The following MMP26 variants were observed in gnomAD, a reference collection of about 807,000 sequenced individuals.
The protein encoded by MMP26 is matrix metallopeptidase 26.
MMP26 carries 33 observed loss-of-function variants against 31.0 expected under a neutral mutation model. That is an observed-to-expected ratio of 1.06 (90% CI 0.81 to 1.42). MMP26 has a LOEUF of 1.42. MMP26 is among the 40% of genes most tolerant of loss of function. MMP26 has a pLI of 0.00. For synonymous variants in MMP26, 122 were observed against 114.9 expected, an observed-to-expected ratio of 1.06 and a Z score of -0.40; for missense variants, 347 against 316.1, an observed-to-expected ratio of 1.10 and a Z score of -0.74.
At chr11:4,816,415 T>G (rs976581181) in intron 2 of MMP26, among the ~76,000 whole-genome samples, 2 of 152,274 alleles carry the variant, frequency 1.3e-5, no homozygotes, top group Middle Eastern at 3.4e-3. Context: ...CTTTATTGGT[T>G]TTCTGTCTGG....
At chr11:4,755,046 A>G (rs911749061) in intron 1 of MMP26, among the ~76,000 whole-genome samples, 1 of 151,994 alleles carries the variant, frequency 6.6e-6, no homozygotes, top group Admixed American at 6.6e-5. Flanking sequence ...AGAAATCTGC[A>G]TAGACTTTCA....
At chr11:4,718,877 T>G (rs1847972159) in intron 1 of MMP26, 1 of 172,652 alleles carries the variant, frequency 5.8e-6, no homozygotes. Context: ...ATATTCTGCT[T>G]CAATGTGAGG....
At chr11:4,748,362 C>T (rs1463986633) in intron 1 of MMP26, among the ~76,000 whole-genome samples, 2 of 151,850 alleles carry the variant, frequency 1.3e-5, no homozygotes, top group South Asian at 2.1e-4. Context: ...TTCTACCAGA[C>T]ACAGAAAGAA....
chr11:4,787,508 T>C (rs1208869926), intron 2 of MMP26: 1 of 152,270 alleles, frequency 6.6e-6, no homozygotes, highest in Non-Finnish European at 1.5e-5. Context: ...GCAGTTGCAG[T>C]CTTCTACATT....
chr11:4,904,703 G>T (rs10500632), intron 2 of MMP26, among the ~76,000 whole-genome samples: 2 of 151,884 alleles, frequency 1.3e-5, no homozygotes, highest in Non-Finnish European at 2.9e-5. Flanking sequence ...TGACTTTACC[G>T]CTTAAAATAT....
intron 1 of MMP26, among the ~76,000 whole-genome samples, chr11:4,725,700 T>C (rs981994841): frequency 5.9e-5 from 9 of 152,230 alleles, no homozygotes; most frequent in Non-Finnish European, 7.3e-5. Context: ...AGCAGAGATA[T>C]AATGGCTCCC....
intron 2 of MMP26, chr11:4,946,479 G>T (rs1846307377): frequency 6.2e-7 from 1 of 1,610,310 alleles, no homozygotes; most frequent in South Asian, 1.1e-5. Context: ...TCTACCATAA[G>T]GCAGAGTGCT....
intron 2 of MMP26, chr11:4,849,365 C>T (rs1282000683): frequency 5.7e-6 from 4 of 699,738 alleles, no homozygotes; most frequent in African/African-American, 5.4e-5. Flanking sequence ...CACATTTCCT[C>T]CCTGTGCACG....
At chr11:4,925,598 A>T (rs1376217386) in intron 2 of MMP26, among the ~76,000 whole-genome samples, 2 of 152,124 alleles carry the variant, frequency 1.3e-5, no homozygotes, top group Admixed American at 6.5e-5. Context: ...AGTCCCTAGG[A>T]GATGAATGGT....
At chr11:4,737,417 G>A (rs1415983227) in intron 1 of MMP26, among the ~76,000 whole-genome samples, 1 of 152,140 alleles carries the variant, frequency 6.6e-6, no homozygotes, top group Non-Finnish European at 1.5e-5. Context: ...GCCGAGGTGG[G>A]TGGATCACCT....
chr11:4,734,847 T>TATAAG (rs1283235627), intron 1 of MMP26, among the ~76,000 whole-genome samples: 99 of 59,394 alleles, frequency 1.7e-3, no homozygotes, highest in African/African-American at 2.6e-3. Flanking sequence ...TAGCATATTT[T>TATAAG]CAGCTTGTAT....
At chr11:4,981,998 C>T (rs907150087) in intron 2 of MMP26, among the ~76,000 whole-genome samples, 3 of 151,740 alleles carry the variant, frequency 2.0e-5, no homozygotes, top group African/African-American at 7.3e-5. Flanking sequence ...ATTCCTTCTT[C>T]TGAAATACCT....
At chr11:4,895,807 A>C (rs1850691143) in intron 2 of MMP26, among the ~76,000 whole-genome samples, 1 of 152,174 alleles carries the variant, frequency 6.6e-6, no homozygotes. Context: ...ATGACTGACT[A>C]TAGTCCTAGC....
chr11:4,806,004 C>T (rs1382005211), intron 2 of MMP26, among the ~76,000 whole-genome samples: 2 of 151,976 alleles, frequency 1.3e-5, no homozygotes, highest in Non-Finnish European at 2.9e-5. Context: ...ATTTAAATAC[C>T]CATCACCTCT....
intron 2 of MMP26, among the ~76,000 whole-genome samples, chr11:4,867,387 C>CTTTTTTTTT (rs3065176): frequency 1.0e-5 from 1 of 98,296 alleles, no homozygotes; most frequent in African/African-American, 4.1e-5. Flanking sequence ...AGATGCTGTC[C>CTTTTTTTTT]TTTTTTTTTT....
intron 2 of MMP26, among the ~76,000 whole-genome samples, chr11:4,960,678 C>A (rs752778946): frequency 1.3e-5 from 2 of 151,634 alleles, no homozygotes; most frequent in Non-Finnish European, 2.9e-5. Context: ...GTCCAAAACT[C>A]CAAAAATTAC....
At chr11:4,707,979 C>CA (rs1776651283) in intron 1 of MMP26, among the ~76,000 whole-genome samples, 1 of 152,144 alleles carries the variant, frequency 6.6e-6, no homozygotes, top group South Asian at 2.1e-4. Context: ...TGCTGTTCCC[C>CA]AGCACTCTGT....
At chr11:4,728,397 T>C (rs1848131045) in intron 1 of MMP26, among the ~76,000 whole-genome samples, 1 of 152,108 alleles carries the variant, frequency 6.6e-6, no homozygotes, top group Non-Finnish European at 1.5e-5. Context: ...CACACCCAAG[T>C]TTACTATGGG....
At position 4,790,862 on chromosome 11, in the gene MMP26, C is replaced by T. The variant is rs111959215; in HGVS notation, c.-145+23521C>T. 6.8e-3 allele frequency among the ~76,000 whole-genome samples: 1,042 copies of T among 152,240 alleles called. 12 individuals carry two copies. Among genetic ancestry groups the T allele is most frequent in the African/African-American group, 0.023 (973 of 41,550 alleles). ...ATGTTCATAGCTTAATAGTTACTGACGTTTAAAAATAAAGGTGCTAAGACC... is the reference window on the plus strand; with the variant it reads ...ATGTTCATAGCTTAATAGTTACTGATGTTTAAAAATAAAGGTGCTAAGACC... On this transcript the variant is annotated intron_variant, in intron 2 of 7. Coordinates refer to ENST00000380390, the MANE Select transcript of MMP26 (RefSeq NM_021801.5).
Sources: gnomAD v4.1 joint callset for allele counts (sites outside exome capture counted in the v4.1 genomes callset) on GRCh38, gnomAD v4.1.1 for gene constraint, MANE v1.5 for transcripts, NCBI Gene and HGNC (gene_info 2026-07-23, HGNC 2026-07-21) for gene names.